PPT1: variants seen among roughly 807,000 people sequenced by gnomAD.
The protein encoded by PPT1 is ceroid-palmitoyl-palmitoyl-protein thioesterase 1.
A neutral mutation model predicts 44.0 loss-of-function variants in PPT1; 24 were observed. The observed-to-expected ratio is 0.54, with a 90% confidence interval of 0.39 to 0.77. The LOEUF is 0.77. Among genes scored for constraint, PPT1 ranks in the 30% least tolerant of loss-of-function variants. The pLI, the probability that PPT1 is intolerant of heterozygous loss-of-function variation, is 0.00. For missense variants in PPT1, 341 were observed against 378.8 expected, an observed-to-expected ratio of 0.90 and a Z score of 0.83; for synonymous variants, 148 against 140.2, an observed-to-expected ratio of 1.06 and a Z score of -0.39.
At chr1:40,071,909 G>A, downstream of PPT1, 1 of 413,964 alleles carries the variant, frequency 2.4e-6, no homozygotes, top group Non-Finnish European at 4.3e-6. Flanking sequence ...GTTCACACTG[G>A]TTAATCTTTT....
In PPT1 at chr1:40,097,089, C is replaced by T. The variant is rs182152988; in HGVS notation, c.124+26G>A. 4.2e-5 allele frequency: 68 copies of T among 1,613,996 alleles called. No individual in the cohort carries two copies. In the Admixed American group the frequency reaches 5.5e-4, roughly 13 times the overall value. On this transcript the variant is annotated intron_variant, in intron 1 of 8. Coordinates refer to ENST00000642050, the MANE Select transcript of PPT1 (RefSeq NM_000310.4). ...GCTAGGAAGAGAGAGAATCGCCAAACCCTTTTAAATTTCTCACTCACTCAC... is the reference window on the plus strand; with the variant it reads ...GCTAGGAAGAGAGAGAATCGCCAAATCCTTTTAAATTTCTCACTCACTCAC...
chr1:40,091,634 T>A (rs2124487166), intron 3 of PPT1, among the ~76,000 whole-genome samples: 1 of 151,898 alleles, frequency 6.6e-6, no homozygotes, highest in African/African-American at 2.4e-5. Context: ...GAGGCTGAGG[T>A]GGGTGGACTA....
intron 3 of PPT1, 22 bp downstream of exon 3, chr1:40,092,023 A>G: frequency 6.2e-7 from 1 of 1,613,618 alleles, no homozygotes; most frequent in Non-Finnish European, 8.5e-7. Context: ...TAAGTGGTAC[A>G]ATATAACAAA....
At chr1:40,078,771 A>C (rs577346053) in intron 6 of PPT1, 113 bp from the exon 7 acceptor site, 40 of 867,596 alleles carry the variant, frequency 4.6e-5, no homozygotes, top group Non-Finnish European at 7.3e-5. Context: ...TTTCTTCCCC[A>C]TGGGTATGGG....
Position 40,078,426 on chromosome 1 carries a change from T to C in PPT1, c.726+134A>G, listed in dbSNP as rs925216668. ...CAAGTTGGCCAGGCTGGTCTTGAAC[T>C]CCTGACCTCAGGTGATCCACCCGCC... On this transcript the variant is annotated intron_variant, in intron 7 of 8. Transcript: ENST00000642050. 1.7e-5 allele frequency: 14 copies of C among 818,994 alleles called. No homozygotes were observed. In the Admixed American group the frequency reaches 1.8e-4, roughly 11 times the overall value. 50.7% of individuals were successfully genotyped at this position (818,994 alleles called of 1,614,324 possible). A position where few individuals can be genotyped will look rare whatever the true frequency, so the allele number is the denominator to read the frequency against.
At chr1:40,078,250 T>C (rs3131662) in intron 7 of PPT1, among the ~76,000 whole-genome samples, 81,572 of 152,080 alleles carry the variant, frequency 0.54, 23,864 homozygotes, top group Non-Finnish European at 0.67. Context: ...CAGGCTGGGG[T>C]GCAGTGGCAC....
At chr1:40,085,191 A>T (rs1292092232) in intron 5 of PPT1, among the ~76,000 whole-genome samples, 1 of 152,180 alleles carries the variant, frequency 6.6e-6, no homozygotes, top group African/African-American at 2.4e-5. Context: ...TGCCTTTTAG[A>T]TAGCAGTAGC....
At chr1:40,085,303 C>G (rs1649202265) in intron 5 of PPT1, among the ~76,000 whole-genome samples, 1 of 152,210 alleles carries the variant, frequency 6.6e-6, no homozygotes. Flanking sequence ...CAGGGAAGGG[C>G]CCCCTGTCCA....
chr1:40,074,127 T>C lies in PPT1; in HGVS notation c.855A>G (p.Thr285=). Residue 285 remains threonine (T), a synonymous_variant, in exon 9 of 9, where the codon ACA becomes ACG. Coordinates refer to ENST00000642050, the MANE Select transcript of PPT1 (RefSeq NM_000310.4). ...DNAGQLVFLA[T]EGDHLQLSEE... ...CAGACAACTGAAGATGGTCCCCTTC[T>C]GTAGCCAGAAACACTAGCTGTCCTG... 1 of 1,614,200 alleles carries C rather than the reference T, an allele frequency of 6.2e-7. No homozygotes were observed. The highest frequency in any genetic ancestry group is 8.5e-7 in the Non-Finnish European group (1 of 1,180,016).
rs1648324430 is a variant in PPT1 at position 40,072,972 on chromosome 1, T to C, written c.*1089A>G. The C allele has an allele frequency of 6.6e-6, 1 of 152,344 alleles. No homozygotes were observed. Among genetic ancestry groups the C allele is most frequent in the Non-Finnish European group, 1.5e-5 (1 of 68,026 alleles). 9.4% of individuals were successfully genotyped at this position (152,344 alleles called of 1,614,324 possible). On this transcript the variant is annotated 3_prime_UTR_variant, in exon 9 of 9. Coordinates refer to ENST00000642050, the MANE Select transcript of PPT1 (RefSeq NM_000310.4). The stretch of plus-strand genomic sequence containing the variant: ...AGAGTGGGGACTATGATTTCCATGC[T>C]CAAATAGTGTAGGAAATGGTAGATT...
chr1:40,092,631 T>G (rs1023361017), intron 1 of PPT1, 124 bp from the exon 2 acceptor site: 8 of 819,108 alleles, frequency 9.8e-6, no homozygotes, highest in Admixed American at 1.9e-5. Context: ...GAAGAAAATA[T>G]TTGCAAAACA....
downstream of PPT1, chr1:40,071,556 GC>G: frequency 1.3e-6 from 2 of 1,487,174 alleles, no homozygotes; most frequent in Non-Finnish European, 1.9e-6. Context: ...TGGGTTCTTT[GC>G]CCTCCCTTCA....
At position 40,097,108 on chromosome 1, in the gene PPT1, C is replaced by A. The variant is rs1649898430; in HGVS notation, c.124+7G>T. On this transcript the variant is annotated splice_region_variant and intron_variant, in intron 1 of 8. Transcript: ENST00000642050. ...GCCAAACCCTTTTAAATTTCTCACT[C>A]ACTCACCCATCCCATGCCAGATCAC... is the stretch of plus-strand genomic sequence containing the variant. The A allele has an allele frequency of 7.4e-6, 12 of 1,614,062 alleles. No individual in the cohort carries two copies. In the East Asian group the frequency reaches 2.7e-4, roughly 36 times the overall value.
intron 5 of PPT1, among the ~76,000 whole-genome samples, chr1:40,088,036 T>C (rs1649353935): frequency 6.6e-6 from 1 of 151,890 alleles, no homozygotes; most frequent in Non-Finnish European, 1.5e-5. Flanking sequence ...TATACTGTAA[T>C]AAAAAGTTGT....
rs543535528 is a variant in PPT1, at chr1:40,091,631, A to C, written c.363-232T>G. Among the ~76,000 whole-genome samples, 527 of 152,280 alleles carry C rather than the reference A, an allele frequency of 3.5e-3. 4 individuals are homozygous for C. Among genetic ancestry groups the C allele is most frequent in the African/African-American group, 0.012 (504 of 41,560 alleles). On this transcript the variant is annotated intron_variant, in intron 3 of 8. Coordinates refer to ENST00000642050, the MANE Select transcript of PPT1 (RefSeq NM_000310.4). Reference sequence around the variant, plus strand: ...GTAATCTCAGCACTTTGGGAGGCTGAGGTGGGTGGACTACCTGAGGTCAGG... The same window carrying C: ...GTAATCTCAGCACTTTGGGAGGCTGCGGTGGGTGGACTACCTGAGGTCAGG...
intron 8 of PPT1, 130 bp from the exon 9 acceptor site, chr1:40,074,313 C>A (rs948451238): frequency 9.3e-7 from 1 of 1,073,254 alleles, no homozygotes; most frequent in Admixed American, 2.1e-5. Context: ...GGTGTATTTT[C>A]AAAAATGCCA....
chr1:40,081,043 T>G (rs565944491), intron 5 of PPT1, among the ~76,000 whole-genome samples: 5 of 152,262 alleles, frequency 3.3e-5, no homozygotes, highest in Middle Eastern at 6.8e-3. Flanking sequence ...CTCATCAATA[T>G]TTGCTTCTCC....
At chr1:40,076,795 G>T (rs1289149529) in intron 8 of PPT1, 47 bp downstream of exon 8, 1 of 1,613,404 alleles carries the variant, frequency 6.2e-7, no homozygotes, top group Non-Finnish European at 8.5e-7. Context: ...CAGGAACTGG[G>T]AGCTGAAAAA....
intron 1 of PPT1, 68 bp downstream of exon 1, chr1:40,097,047 T>G: frequency 1.2e-6 from 2 of 1,613,152 alleles, no homozygotes; most frequent in Non-Finnish European, 1.7e-6. Flanking sequence ...ACCCGCATTT[T>G]GCAGATGCGA....
Sources: gnomAD v4.1 joint callset for allele counts (sites outside exome capture counted in the v4.1 genomes callset) on GRCh38, gnomAD v4.1.1 for gene constraint, MANE v1.5 for transcripts, NCBI Gene and HGNC (gene_info 2026-07-23, HGNC 2026-07-21) for gene names.